The following GPD2 variants were observed in gnomAD, a reference collection of about 807,000 sequenced individuals.
GPD2 encodes glycerol-3-phosphate dehydrogenase, mitochondrial.
In GPD2, 54 loss-of-function variants were observed where a neutral mutation model predicts 82.4. The ratio of observed to expected loss-of-function variants is 0.66; its 90% CI spans 0.53 to 0.82. The LOEUF (loss-of-function observed/expected upper bound fraction) is 0.82, where lower values mean the gene tolerates loss of function less well. Ranked by LOEUF, GPD2 falls within the 40% of genes least tolerant of loss-of-function variation. The probability of loss-of-function intolerance (pLI) is 0.00; values close to 1 mark genes in which losing one functional copy is unlikely to be tolerated. For missense variants in GPD2, 748 were observed against 896.2 expected (o/e 0.83, Z 2.11); for synonymous variants, 288 against 306.1 (o/e 0.94, Z 0.62).
At chr2:156,421,266 GT>G in the GPD2 span, among the ~76,000 whole-genome samples, 1 of 152,266 alleles carries the variant, frequency 6.6e-6, no homozygotes, top group East Asian at 1.9e-4. Flanking sequence ...TCCCCAAACT[GT>G]TTTTACAGAG....
At chr2:156,512,381 A>T in intron 5 of GPD2, 64 bp downstream of exon 5, 2 of 815,122 alleles carry the variant, frequency 2.5e-6, no homozygotes, top group Non-Finnish European at 4.4e-6. Flanking sequence ...AACAGTTTTA[A>T]TGGAAATAAT....
intron 2 of GPD2, among the ~76,000 whole-genome samples, chr2:156,488,346 T>C (rs1684022839): frequency 6.6e-6 from 1 of 152,212 alleles, no homozygotes; most frequent in South Asian, 2.1e-4. Context: ...TAAATATGGT[T>C]AGTCTTTTTT....
At chr2:156,401,156 C>T in the GPD2 span, among the ~76,000 whole-genome samples, 64 of 152,150 alleles carry the variant, frequency 4.2e-4, no homozygotes, top group Non-Finnish European at 6.9e-4. Context: ...TTGCATTGGC[C>T]GGGAATCGAA....
intron 6 of GPD2, among the ~76,000 whole-genome samples, chr2:156,534,032 C>T (rs1463063895): frequency 6.6e-6 from 1 of 152,302 alleles, no homozygotes; most frequent in East Asian, 1.9e-4. Flanking sequence ...TGTCTGGTAT[C>T]CAGGAAGTAT....
intron 9 of GPD2, among the ~76,000 whole-genome samples, chr2:156,558,441 G>A (rs11901848): frequency 6.6e-6 from 1 of 151,936 alleles, no homozygotes; most frequent in Non-Finnish European, 1.5e-5. Context: ...TTTAGGTCAG[G>A]TCTCTATCCC....
intron 3 of GPD2, among the ~76,000 whole-genome samples, chr2:156,496,568 C>T (rs1157787129): frequency 3.3e-5 from 5 of 152,132 alleles, no homozygotes; most frequent in East Asian, 1.9e-4. Context: ...GATTTTCCAT[C>T]CTTAATGAAG....
intron 1 of GPD2, among the ~76,000 whole-genome samples, chr2:156,460,738 T>G (rs1406661026): frequency 6.6e-6 from 1 of 152,216 alleles, no homozygotes; most frequent in Non-Finnish European, 1.5e-5. Context: ...GAGGCTCTCT[T>G]AGATGACACT....
At chr2:156,540,394 C>T (rs765418436) in intron 6 of GPD2, among the ~76,000 whole-genome samples, 3 of 152,272 alleles carry the variant, frequency 2.0e-5, no homozygotes, top group East Asian at 1.9e-4. Flanking sequence ...CCCAGGGGAC[C>T]GTTCTTCCTC....
At chr2:156,447,823 A>T (rs191316866) in intron 1 of GPD2, among the ~76,000 whole-genome samples, 3 of 152,286 alleles carry the variant, frequency 2.0e-5, no homozygotes, top group Admixed American at 2.0e-4. Flanking sequence ...TGGAATTCCC[A>T]GGGTCTGTCT....
chr2:156,523,670 C>A (rs1685496864), intron 6 of GPD2, among the ~76,000 whole-genome samples: 2 of 146,590 alleles, frequency 1.4e-5, no homozygotes, highest in Admixed American at 6.9e-5. Context: ...AATTTCTTTT[C>A]TAGATAGATA....
At chr2:156,453,050 A>G (rs1010059623) in intron 1 of GPD2, among the ~76,000 whole-genome samples, 29 of 152,148 alleles carry the variant, frequency 1.9e-4, no homozygotes, top group Non-Finnish European at 4.0e-4. Context: ...TCCTGGGGAA[A>G]TGTAATAGGA....
At chr2:156,479,744 C>T (rs190386984) in intron 2 of GPD2, among the ~76,000 whole-genome samples, 20 of 152,270 alleles carry the variant, frequency 1.3e-4, no homozygotes, top group Admixed American at 1.2e-3. Flanking sequence ...ATCCACATTC[C>T]AGGCCTTCCT....
the GPD2 span, among the ~76,000 whole-genome samples, chr2:156,409,561 A>G: frequency 6.6e-6 from 1 of 151,804 alleles, no homozygotes; most frequent in Admixed American, 6.6e-5. Flanking sequence ...TTAGCCAGGC[A>G]TGGTGGTGCA....
chr2:156,409,762 G>A, the GPD2 span, among the ~76,000 whole-genome samples: 2 of 152,196 alleles, frequency 1.3e-5, no homozygotes, highest in South Asian at 4.2e-4. Flanking sequence ...TAGGAGAGAG[G>A]ACCTATATTC....
chr2:156,530,068 T>A (rs952970453), intron 6 of GPD2, among the ~76,000 whole-genome samples: 4 of 149,650 alleles, frequency 2.7e-5, no homozygotes, highest in African/African-American at 9.9e-5. Context: ...TTCCTACCCA[T>A]GAGCATGGAA....
At chr2:156,579,372 G>A (rs1458314988) in intron 15 of GPD2, among the ~76,000 whole-genome samples, 1 of 148,414 alleles carries the variant, frequency 6.7e-6, no homozygotes, top group Non-Finnish European at 1.5e-5. Flanking sequence ...TGTTGCCCAG[G>A]ATGGTGTGCA....
chr2:156,570,252 G>T, intron 12 of GPD2, 34 bp downstream of exon 12: 2 of 1,585,260 alleles, frequency 1.3e-6, no homozygotes, highest in East Asian at 4.5e-5. Context: ...TTTCATGTCT[G>T]CCATGGGATA....
At chr2:156,529,255 C>G (rs1685741574) in intron 6 of GPD2, among the ~76,000 whole-genome samples, 1 of 151,406 alleles carries the variant, frequency 6.6e-6, no homozygotes, top group African/African-American at 2.4e-5. Flanking sequence ...AGTGTCTGTT[C>G]ATTTCCTTCG....
intron 9 of GPD2, among the ~76,000 whole-genome samples, chr2:156,561,040 CTTTTTTTT>C (rs35948070): frequency 1.8e-4 from 5 of 27,630 alleles, no homozygotes; most frequent in South Asian, 2.8e-3. Context: ...TGACATTAAG[CTTTTTTTT>C]TTTTTTTTTT....
Sources: allele counts gnomAD v4.1 joint callset (sites outside exome capture counted in the v4.1 genomes callset), GRCh38; gene constraint gnomAD v4.1.1; transcripts MANE v1.5; gene names NCBI Gene and HGNC (gene_info 2026-07-23, HGNC 2026-07-21).